DMD: variants seen among roughly 807,000 people sequenced by gnomAD.
DMD encodes the protein dystrophin, also known as mutant dystrophin.
A neutral mutation model predicts 330.1 loss-of-function variants in DMD; 63 were observed. That is an observed-to-expected ratio of 0.19 (90% CI 0.16 to 0.24). The LOEUF (loss-of-function observed/expected upper bound fraction) is 0.24, where lower values mean the gene tolerates loss of function less well. DMD is among the 10% of genes least tolerant of loss of function. The pLI, the probability that DMD is intolerant of heterozygous loss-of-function variation, is 1.00. For synonymous variants in DMD, 1,223 were observed against 959.8 expected (o/e 1.27, Z -5.07); for missense variants, 3,344 against 2,684.1 (o/e 1.25, Z -5.43).
At chrX:32,828,900 G>A (rs896175286) in intron 4 of DMD, among the ~76,000 whole-genome samples, 8 of 110,983 alleles carry the variant, frequency 7.2e-5, no homozygotes, top group Non-Finnish European at 1.3e-4. Flanking sequence ...TTGTATCACT[G>A]ACCTATTACA....
intron 27 of DMD, 117 bp from the exon 28 acceptor site, chrX:32,441,431 C>T (rs765405916): frequency 5.6e-6 from 4 of 716,170 alleles, no homozygotes; most frequent in South Asian, 5.2e-5. Flanking sequence ...TTCACCTTTA[C>T]TTTGTAGCAG....
At chrX:32,696,589 C>T (rs1024290828) in intron 9 of DMD, among the ~76,000 whole-genome samples, 3 of 111,425 alleles carry the variant, frequency 2.7e-5, no homozygotes, top group African/African-American at 9.8e-5. Context: ...CATACCTGAG[C>T]GATGCCTTAA....
intron 1 of DMD, among the ~76,000 whole-genome samples, chrX:33,322,387 G>A (rs1210472522): frequency 1.8e-5 from 2 of 109,666 alleles, no homozygotes; most frequent in African/African-American, 6.6e-5. Context: ...GACAGATGTG[G>A]GGGGGTGGGG....
chrX:31,667,497 G>A (rs2081496386), intron 53 of DMD, among the ~76,000 whole-genome samples: 2 of 110,152 alleles, frequency 1.8e-5, no homozygotes, highest in African/African-American at 6.6e-5. Context: ...ATATTTCCAG[G>A]AGACTGGGAA....
chrX:31,549,814 T>C (rs1021269770), intron 55 of DMD, among the ~76,000 whole-genome samples: 1 of 112,444 alleles, frequency 8.9e-6, no homozygotes, highest in Non-Finnish European at 1.9e-5. Flanking sequence ...ATTCTTGATA[T>C]TTAAAAGAAT....
chrX:32,633,821 G>A (rs2058907496), intron 11 of DMD, among the ~76,000 whole-genome samples: 1 of 110,676 alleles, frequency 9.0e-6, no homozygotes, highest in African/African-American at 3.3e-5. Flanking sequence ...TGAGAGGGAG[G>A]GTGCCACGCT....
At chrX:32,873,999 A>G (rs1034981037) in intron 2 of DMD, among the ~76,000 whole-genome samples, 1 of 111,859 alleles carries the variant, frequency 8.9e-6, no homozygotes, top group African/African-American at 3.3e-5. Context: ...GACTCGTGTG[A>G]GGTCTAGGAT....
At chrX:33,076,111 C>T (rs2094836974) in intron 1 of DMD, among the ~76,000 whole-genome samples, 1 of 107,588 alleles carries the variant, frequency 9.3e-6, no homozygotes, top group Non-Finnish European at 1.9e-5. Context: ...AATAAACTGG[C>T]TCATCTCATC....
rs946633582 is a variant in DMD, at chrX:32,551,523, C to T, written c.1993-6189G>A. 4.5e-5 allele frequency among the ~76,000 whole-genome samples: 5 copies of T among 111,727 alleles called. No individual in the cohort carries two copies. In the Admixed American group the frequency reaches 4.8e-4, roughly 11 times the overall value. On this transcript the variant is annotated intron_variant, in intron 16 of 78. Transcript: ENST00000357033. ...AGAACCATCTTTAAAAAGTCCACAG[C>T]CAACATTATACTGAATGTGCAAAAG...
At position 31,121,442 on chromosome X, in the gene DMD, ATGTGTGTGTG is replaced by A. The variant is rs386416845; in HGVS notation, c.*467_*476del. The A allele has an allele frequency of 0.017, 2,205 of 127,814 alleles. 48 individuals are homozygous for A. Among genetic ancestry groups the A allele is most frequent in the African/African-American group, 0.073 (2,040 of 27,982 alleles). The allele number at this position is 127,814 out of a possible 1,213,427, so 10.5% of individuals were successfully genotyped here. The stretch of plus-strand genomic sequence containing the variant: ...CTCAAAGTTTTGTGTGTGTGTGTGT[ATGTGTGTGTG>A]TGTGTGTTTGTTTTGTTTTTAGGGG... On this transcript the variant is annotated 3_prime_UTR_variant, in exon 79 of 79. Transcript: ENST00000357033.
At chrX:31,328,968 G>A (rs2056946960) in intron 61 of DMD, among the ~76,000 whole-genome samples, 1 of 112,036 alleles carries the variant, frequency 8.9e-6, no homozygotes, top group Admixed American at 9.4e-5. Context: ...CTAACTGCCT[G>A]GGCTTATGGT....
chrX:32,456,250 T>G (rs1328664844), intron 25 of DMD, among the ~76,000 whole-genome samples: 5 of 110,878 alleles, frequency 4.5e-5, no homozygotes, highest in Non-Finnish European at 9.5e-5. Flanking sequence ...TTTAGGTTCT[T>G]TACTTACCTA....
intron 42 of DMD, among the ~76,000 whole-genome samples, chrX:32,288,084 A>G (rs1411227139): frequency 9.0e-6 from 1 of 110,885 alleles, no homozygotes; most frequent in East Asian, 2.8e-4. Flanking sequence ...CATAATTTTA[A>G]ATATCTTATA....
At chrX:31,191,852 T>C (rs2042404176) in intron 67 of DMD, among the ~76,000 whole-genome samples, 1 of 112,611 alleles carries the variant, frequency 8.9e-6, no homozygotes, top group Non-Finnish European at 1.9e-5. Context: ...GTCATTGCCA[T>C]TGTTAATAGG....
chrX:31,266,805 C>T (rs2051181947), intron 62 of DMD: 1 of 1,203,628 alleles, frequency 8.3e-7, no homozygotes, highest in South Asian at 1.8e-5. Context: ...CCGCGATCCA[C>T]TTACCCTTTG....
At chrX:32,697,107 A>C (rs2063714382) in intron 9 of DMD, among the ~76,000 whole-genome samples, 1 of 111,743 alleles carries the variant, frequency 8.9e-6, no homozygotes, top group African/African-American at 3.2e-5. Context: ...GGCTCCATTG[A>C]GCAAAATAAA....
intron 44 of DMD, among the ~76,000 whole-genome samples, chrX:32,024,848 G>T: frequency 8.9e-6 from 1 of 111,783 alleles, no homozygotes; most frequent in Middle Eastern, 4.6e-3. Context: ...AAATGAATAT[G>T]AACAGAAATT....
At chrX:31,222,078 C>T (rs2046115173) in intron 64 of DMD, among the ~76,000 whole-genome samples, 2 of 110,831 alleles carry the variant, frequency 1.8e-5, no homozygotes, top group African/African-American at 6.6e-5. Flanking sequence ...TGCCTGTAGT[C>T]CCAGCTACTC....
intron 55 of DMD, among the ~76,000 whole-genome samples, chrX:31,590,587 ATCTTAT>A (rs751124316): frequency 5.4e-5 from 6 of 111,470 alleles, no homozygotes; most frequent in Admixed American, 9.6e-5. Context: ...TTAGTCTGAT[ATCTTAT>A]TCTTAAAGAC....
Sources: allele counts gnomAD v4.1 joint callset (sites outside exome capture counted in the v4.1 genomes callset), GRCh38; gene constraint gnomAD v4.1.1; transcripts MANE v1.5; gene names NCBI Gene and HGNC (gene_info 2026-07-23, HGNC 2026-07-21).